YWHAE: variants seen among roughly 807,000 people sequenced by gnomAD.
The protein encoded by YWHAE is 14-3-3 protein epsilon.
Under a neutral mutation model 30.1 loss-of-function variants are expected in YWHAE, and 4 were observed. The observed-to-expected ratio is 0.13, with a 90% CI of 0.07 to 0.30. The LOEUF is 0.30. Ranked by LOEUF, YWHAE falls within the 10% of genes least tolerant of loss-of-function variation. YWHAE has a pLI of 1.00. For synonymous variants in YWHAE, 118 were observed against 111.8 expected (o/e 1.06, Z -0.35); for missense variants, 121 against 315.9 (o/e 0.38, Z 4.68).
At chr17:1,349,323 C>G (rs1321038894) in intron 5 of YWHAE, among the ~76,000 whole-genome samples, 9 of 152,162 alleles carry the variant, frequency 5.9e-5, no homozygotes, top group African/African-American at 2.2e-4. Context: ...CCCTGGGCAA[C>G]AGAGTGATAC....
At chr17:1,357,315 A>C (rs2072765374) in intron 4 of YWHAE, among the ~76,000 whole-genome samples, 2 of 149,354 alleles carry the variant, frequency 1.3e-5, no homozygotes, top group South Asian at 4.2e-4. Flanking sequence ...AGGCAGGAGA[A>C]TGGCGTGAAC....
intron 1 of YWHAE, among the ~76,000 whole-genome samples, chr17:1,376,624 A>G (rs938566855): frequency 2.6e-5 from 4 of 152,082 alleles, no homozygotes; most frequent in South Asian, 4.1e-4. Context: ...CATACCTCTA[A>G]TATCTTTACA....
At chr17:1,387,588 C>G (rs1284365561) in intron 1 of YWHAE, among the ~76,000 whole-genome samples, 1 of 151,806 alleles carries the variant, frequency 6.6e-6, no homozygotes, top group Admixed American at 6.6e-5. Flanking sequence ...GACATGTTTT[C>G]TCAAGTGGTT....
chr17:1,364,618 G>A (rs879628368), intron 2 of YWHAE: 7 of 545,894 alleles, frequency 1.3e-5, no homozygotes, highest in Non-Finnish European at 2.3e-5. Context: ...AGACCTGCCA[G>A]TGGATGTGAT....
rs1462331941 is a variant in YWHAE, at chr17:1,400,194, G to A, written c.-84C>T. The A allele has an allele frequency of 7.1e-6, 11 of 1,551,786 alleles. No individual in the cohort carries two copies. Among genetic ancestry groups the A allele is most frequent in the East Asian group, 4.5e-5 (2 of 44,398 alleles). On this transcript the variant is annotated 5_prime_UTR_variant, in exon 1 of 6. Transcript: ENST00000264335. ...TCTCTCAGCCTCTCGCTCCGCGTCC[G>A]GGCAGCAAAAATGGCGGCGCCTCAA...
chr17:1,346,001 G>A (rs1295124650), intron 5 of YWHAE, among the ~76,000 whole-genome samples: 1 of 152,120 alleles, frequency 6.6e-6, no homozygotes, highest in East Asian at 1.9e-4. Flanking sequence ...GGGTTCTGCT[G>A]TTATAAATAT....
intron 5 of YWHAE, among the ~76,000 whole-genome samples, chr17:1,350,896 A>G (rs1294703161): frequency 2.7e-5 from 4 of 150,472 alleles, no homozygotes; most frequent in South Asian, 2.1e-4. Flanking sequence ...TGCCTCTACT[A>G]AACAAACAAA....
intron 4 of YWHAE, among the ~76,000 whole-genome samples, chr17:1,356,627 C>T (rs1001911402): frequency 1.3e-5 from 2 of 152,150 alleles, no homozygotes; most frequent in Non-Finnish European, 2.9e-5. Flanking sequence ...TCTTCAGTTA[C>T]GATCCCTATC....
intron 1 of YWHAE, among the ~76,000 whole-genome samples, chr17:1,392,384 A>G (rs1447351073): frequency 1.3e-5 from 2 of 152,096 alleles, no homozygotes; most frequent in African/African-American, 2.4e-5. Context: ...TCAAAAAAGT[A>G]TATGTATCTA....
At chr17:1,400,001 G>A (rs1415130904) in intron 1 of YWHAE, 46 bp downstream of exon 1, 2 of 1,607,106 alleles carry the variant, frequency 1.2e-6, no homozygotes, top group East Asian at 2.2e-5. Context: ...GTGGGCGGCG[G>A]CAGAGGGTCC....
chr17:1,382,112 A>G (rs1436857512), intron 1 of YWHAE, among the ~76,000 whole-genome samples: 1 of 151,944 alleles, frequency 6.6e-6, no homozygotes, highest in Non-Finnish European at 1.5e-5. Flanking sequence ...GCAGTGGCGC[A>G]ATCTCGGCTC....
At chr17:1,347,897 G>T in intron 5 of YWHAE, 2 of 894,956 alleles carry the variant, frequency 2.2e-6, no homozygotes, top group Non-Finnish European at 2.7e-6. Context: ...ACGATCATAC[G>T]CAGGCATGAT....
Position 1,349,769 on chromosome 17 carries a change from C to T in YWHAE, c.716-4270G>A, listed in dbSNP as rs572751008. Among the ~76,000 whole-genome samples, 5 of 151,704 alleles carry T rather than the reference C, an allele frequency of 3.3e-5. No homozygotes were observed. In the South Asian group the frequency reaches 6.2e-4, roughly 19 times the overall value. ...ATGGGACTACAGGCGCCCACCACCA[C>T]GCCCGGGTAATTTTTTTTGTATTTT... On this transcript the variant is annotated intron_variant, in intron 5 of 5. Coordinates refer to ENST00000264335, the MANE Select transcript of YWHAE (RefSeq NM_006761.5).
intron 1 of YWHAE, among the ~76,000 whole-genome samples, chr17:1,383,235 A>T (rs1009544196): frequency 4.6e-5 from 7 of 151,728 alleles, no homozygotes; most frequent in Non-Finnish European, 1.0e-4. Context: ...CTGTAATCCC[A>T]GCTACTCTGG....
chr17:1,362,188 A>G (rs921368828), intron 2 of YWHAE, among the ~76,000 whole-genome samples, 180 bp from the exon 3 acceptor site: 10 of 152,042 alleles, frequency 6.6e-5, no homozygotes, highest in African/African-American at 1.9e-4. Context: ...TAGGTTATAA[A>G]AAGTATCTTT....
rs1384473200 is a variant in YWHAE at position 1,400,153 on chromosome 17, G to A, written c.-43C>T. On this transcript the variant is annotated 5_prime_UTR_variant, in exon 1 of 6. Transcript: ENST00000264335. ...CAGGGTCTGCGCGACGGATGGAAGC[G>A]GATAGTGTCTCCGACTCTCTCAGCC... The A allele has an allele frequency of 1.1e-5, 17 of 1,610,258 alleles. No homozygotes were observed. The highest frequency in any genetic ancestry group is 2.7e-5 in the African/African-American group (2 of 74,876).
intron 1 of YWHAE, among the ~76,000 whole-genome samples, chr17:1,384,108 G>A (rs531019997): frequency 1.3e-5 from 2 of 152,308 alleles, no homozygotes; most frequent in South Asian, 4.1e-4. Flanking sequence ...GGGAAGATGA[G>A]GCAGAGAACT....
At chr17:1,391,638 T>C (rs1369112430) in intron 1 of YWHAE, among the ~76,000 whole-genome samples, 2 of 152,152 alleles carry the variant, frequency 1.3e-5, no homozygotes, top group South Asian at 4.1e-4. Context: ...AACCATGAGG[T>C]TCTGTTGGCA....
chr17:1,352,820 C>T (rs956143778), intron 5 of YWHAE, among the ~76,000 whole-genome samples: 2 of 152,136 alleles, frequency 1.3e-5, no homozygotes, highest in African/African-American at 2.4e-5. Context: ...CCACCGCGCC[C>T]GGCACAGCCT....
Sources: gnomAD v4.1 joint callset for allele counts (sites outside exome capture counted in the v4.1 genomes callset) on GRCh38, gnomAD v4.1.1 for gene constraint, MANE v1.5 for transcripts, NCBI Gene and HGNC (gene_info 2026-07-23, HGNC 2026-07-21) for gene names.